Variants in PLCL2 observed in about 807,000 individuals in gnomAD.
PLCL2 encodes inactive phospholipase C-like protein 2.
In PLCL2, 4 loss-of-function variants were observed where a neutral mutation model predicts 79.6. That is an observed-to-expected ratio of 0.05 (90% CI 0.02 to 0.11). PLCL2 has a LOEUF of 0.11. PLCL2 is among the 10% of genes least tolerant of loss of function. PLCL2 has a pLI of 1.00. For synonymous variants in PLCL2, 484 were observed against 457.7 expected (o/e 1.06, Z -0.73); for missense variants, 895 against 1,291.0 (o/e 0.69, Z 4.70).
intron 1 of PLCL2, among the ~76,000 whole-genome samples, chr3:17,000,905 A>G (rs1330890662): frequency 2.0e-5 from 3 of 152,152 alleles, no homozygotes; most frequent in Non-Finnish European, 4.4e-5. Context: ...TATTTCTTCA[A>G]TGCACTGATT....
chr3:16,963,346 A>C (rs1334930774), intron 1 of PLCL2, among the ~76,000 whole-genome samples: 1 of 152,154 alleles, frequency 6.6e-6, no homozygotes, highest in South Asian at 2.1e-4. Flanking sequence ...TGAAAAATGT[A>C]GCAAGCCATC....
At chr3:17,020,532 T>G (rs962050827) in intron 3 of PLCL2, among the ~76,000 whole-genome samples, 24 of 151,190 alleles carry the variant, frequency 1.6e-4, no homozygotes, top group African/African-American at 5.8e-4. Flanking sequence ...ACTTTCCCTT[T>G]GAAATTAATT....
At chr3:16,984,125 A>G (rs1003052564) in intron 1 of PLCL2, among the ~76,000 whole-genome samples, 22 of 151,594 alleles carry the variant, frequency 1.5e-4, no homozygotes, top group African/African-American at 5.4e-4. Flanking sequence ...TTTCTTTACT[A>G]ATATGCAAAG....
Position 17,014,624 on chromosome 3 carries a change from A to G in PLCL2, c.2815-84A>G, listed in dbSNP as rs866447200. Reference sequence around the variant, plus strand: ...AACTTTTGTACCAGGTGGTTCAAGCATAATCAGATATATCAAATATAATAT... The same window carrying G: ...AACTTTTGTACCAGGTGGTTCAAGCGTAATCAGATATATCAAATATAATAT... On this transcript the variant is annotated intron_variant, in intron 2 of 5. Coordinates refer to ENST00000615277, the MANE Select transcript of PLCL2 (RefSeq NM_001144382.2). The G allele has an allele frequency of 1.0e-5, 11 of 1,064,644 alleles. No individual in the cohort carries two copies. The African/African-American group carries it at 1.1e-4, about 11-fold the overall frequency. 65.9% of individuals were successfully genotyped at this position (1,064,644 alleles called of 1,614,324 possible).
At chr3:16,953,680 C>A (rs2063673062) in intron 1 of PLCL2, among the ~76,000 whole-genome samples, 1 of 151,980 alleles carries the variant, frequency 6.6e-6, no homozygotes, top group South Asian at 2.1e-4. Flanking sequence ...GCTGGATAAT[C>A]CCAAAGTGGG....
At chr3:16,988,611 C>CT (rs1283459909) in intron 1 of PLCL2, among the ~76,000 whole-genome samples, 2 of 151,766 alleles carry the variant, frequency 1.3e-5, no homozygotes, top group Admixed American at 6.6e-5. Flanking sequence ...AAGCTACCAT[C>CT]TTTTTTTTGG....
Position 17,068,204 on chromosome 3 carries a change from C to T in PLCL2, c.3204+139C>T, listed in dbSNP as rs374551136. On this transcript the variant is annotated intron_variant, in intron 5 of 5. Coordinates refer to ENST00000615277, the MANE Select transcript of PLCL2 (RefSeq NM_001144382.2). ...ATGGATGCAGAAATCACATGAAGAA[C>T]TCTGCCCTTCTAGAGTCTGTAGGCA... 3.9e-5 allele frequency: 23 copies of T among 583,706 alleles called. 1 individual carries two copies. The highest frequency in any genetic ancestry group is 2.9e-5 in the East Asian group (1 of 34,818). The allele number at this position is 583,706 out of a possible 1,614,324, so 36.2% of individuals were successfully genotyped here.
intron 1 of PLCL2, among the ~76,000 whole-genome samples, chr3:16,926,296 CT>C (rs1697249078): frequency 6.6e-6 from 1 of 152,132 alleles, no homozygotes; most frequent in African/African-American, 2.4e-5. Flanking sequence ...CAAGGGCTGG[CT>C]TTACTACTTC....
chr3:16,973,809 T>G (rs1383122212), intron 1 of PLCL2, among the ~76,000 whole-genome samples: 1 of 152,200 alleles, frequency 6.6e-6, no homozygotes, highest in Non-Finnish European at 1.5e-5. Flanking sequence ...ATGATTTTGC[T>G]CTCAAGGAGC....
chr3:16,968,906 T>C lies in PLCL2; in HGVS notation c.328-40768T>C, dbSNP rs187152245. 9.2e-5 allele frequency among the ~76,000 whole-genome samples: 14 copies of C among 152,314 alleles called. No homozygotes were observed. In the East Asian group the frequency reaches 1.7e-3, roughly 19 times the overall value. Reference sequence around the variant, plus strand: ...GGTTTGTTATAGATGGCTGTTATTATTTTGAGGTATATTCTTTCAAAGCCT... The same window carrying C: ...GGTTTGTTATAGATGGCTGTTATTACTTTGAGGTATATTCTTTCAAAGCCT... On this transcript the variant is annotated intron_variant, in intron 1 of 5. Transcript: ENST00000615277.
In PLCL2 at chr3:17,011,122, G is replaced by A. The variant is rs1320680205; in HGVS notation, c.1776G>A (p.Met592Ile). Reference protein sequence around the residue: ...DVTDEDEGAEMSQRMGKENME... With the variant: ...DVTDEDEGAEISQRMGKENME... ...CTGACGAAGATGAAGGAGCAGAAAT[G>A]TCTCAGAGGATGGGAAAAGAGAACA... Residue 592 changes from methionine to isoleucine, a missense_variant, in exon 2 of 6, where the codon ATG (methionine) becomes ATA (isoleucine). Met to Ile is a conservative substitution (Grantham distance 10). Around this residue, in one of 6 missense-constraint regions of PLCL2, gnomAD observed 242 missense variants for 399.5 expected, o/e 0.61. Coordinates refer to ENST00000615277, the MANE Select transcript of PLCL2 (RefSeq NM_001144382.2). The surrounding 1 kb of genome is among the most constrained non-coding windows in gnomAD (Gnocchi z 7.9). 1.2e-6 allele frequency: 2 copies of A among 1,614,040 alleles called. No homozygotes were observed. Among genetic ancestry groups the A allele is most frequent in the East Asian group, 4.5e-5 (2 of 44,860 alleles).
intron 5 of PLCL2, chr3:17,081,360 C>A: frequency 2.4e-6 from 1 of 418,780 alleles, no homozygotes; most frequent in South Asian, 1.7e-5. Flanking sequence ...AAGCATGTGG[C>A]CATTACACAG....
At chr3:16,989,850 G>T (rs753112260) in intron 1 of PLCL2, among the ~76,000 whole-genome samples, 2 of 152,118 alleles carry the variant, frequency 1.3e-5, no homozygotes, top group Non-Finnish European at 2.9e-5. Flanking sequence ...GCTAGATAGC[G>T]TAGTTTTTTT....
intron 1 of PLCL2, among the ~76,000 whole-genome samples, chr3:16,952,130 G>T (rs900849271): frequency 1.3e-5 from 2 of 151,868 alleles, no homozygotes; most frequent in East Asian, 1.9e-4. Flanking sequence ...GTTGAACAAT[G>T]AGAACACATG....
rs1470290264 is a variant in PLCL2, at chr3:16,891,619, T to C, written c.327+6253T>C. On this transcript the variant is annotated intron_variant, in intron 1 of 5. Coordinates refer to ENST00000615277, the MANE Select transcript of PLCL2 (RefSeq NM_001144382.2). Reference sequence around the variant, plus strand: ...GGGTATTGAACATACAATTTCATTGTGCCAAGCACCCACATGTCTTGCTTT... The same window carrying C: ...GGGTATTGAACATACAATTTCATTGCGCCAAGCACCCACATGTCTTGCTTT... Among the ~76,000 whole-genome samples the C allele has an allele frequency of 3.3e-5, 5 of 152,222 alleles. No homozygotes were observed. The East Asian group carries it at 7.7e-4, about 23-fold the overall frequency.
chr3:16,933,865 C>T (rs919365714), intron 1 of PLCL2, among the ~76,000 whole-genome samples: 7 of 151,960 alleles, frequency 4.6e-5, no homozygotes, highest in South Asian at 2.1e-4. Context: ...GTCAGGAGTT[C>T]GAGACCAGCT....
intron 1 of PLCL2, among the ~76,000 whole-genome samples, chr3:16,974,358 G>A (rs1337547163): frequency 2.0e-5 from 3 of 152,186 alleles, no homozygotes; most frequent in East Asian, 1.9e-4. Context: ...GAGACATAAT[G>A]TGGTGGTGGA....
At chr3:16,960,505 C>T (rs574201445) in intron 1 of PLCL2, among the ~76,000 whole-genome samples, 1 of 152,312 alleles carries the variant, frequency 6.6e-6, no homozygotes, top group Non-Finnish European at 1.5e-5. Context: ...TTTGTCCCTC[C>T]CTCTGTCTCC....
intron 1 of PLCL2, among the ~76,000 whole-genome samples, chr3:16,960,531 A>T (rs1291232318): frequency 6.6e-6 from 1 of 152,054 alleles, no homozygotes; most frequent in Non-Finnish European, 1.5e-5. Flanking sequence ...ACTCAGCACC[A>T]CTTGACGTTT....
Sources: gnomAD v4.1 joint callset for allele counts (sites outside exome capture counted in the v4.1 genomes callset) on GRCh38, gnomAD v4.1.1 for gene constraint, gnomAD v4.1.1 regional missense constraint, Gnocchi (gnomAD v3.1) non-coding constraint, MANE v1.5 for transcripts, NCBI Gene and HGNC (gene_info 2026-07-23, HGNC 2026-07-21) for gene names.